Variants in KCNIP4 observed in about 807,000 individuals in gnomAD.
KCNIP4 encodes Kv channel-interacting protein 4.
KCNIP4 carries 12 observed loss-of-function variants against 34.0 expected under a neutral mutation model. The ratio of observed to expected loss-of-function variants is 0.35; its 90% CI spans 0.23 to 0.57. The LOEUF (loss-of-function observed/expected upper bound fraction) is 0.57, where lower values mean the gene tolerates loss of function less well. Ranked by LOEUF, KCNIP4 falls within the 20% of genes least tolerant of loss-of-function variation. The pLI is 0.83. For synonymous variants in KCNIP4, 124 were observed against 102.2 expected (o/e 1.21, Z -1.29); for missense variants, 238 against 311.7 (o/e 0.76, Z 1.78).
intron 1 of KCNIP4, among the ~76,000 whole-genome samples, chr4:21,429,964 C>A (rs1054823819): frequency 3.3e-5 from 5 of 152,068 alleles, no homozygotes; most frequent in Non-Finnish European, 7.4e-5. Flanking sequence ...TATTATCAGT[C>A]ACTGTGAAGA....
intron 1 of KCNIP4, chr4:21,304,123 GGA>G (rs961045711): frequency 1.2e-3 from 610 of 512,152 alleles, no homozygotes; most frequent in Middle Eastern, 1.7e-3. Flanking sequence ...GGAGAGAGAG[GGA>G]GAGAGAGAGA....
intron 1 of KCNIP4, among the ~76,000 whole-genome samples, chr4:21,739,330 G>A (rs1026371958): frequency 6.6e-6 from 1 of 151,924 alleles, no homozygotes; most frequent in African/African-American, 2.4e-5. Context: ...GTTTTAATAA[G>A]AATAAAGTAT....
chr4:21,215,811 GTTGT>G (rs1046346409), intron 1 of KCNIP4, among the ~76,000 whole-genome samples: 25 of 152,156 alleles, frequency 1.6e-4, no homozygotes, highest in East Asian at 3.9e-4. Context: ...TGTTGTTGTT[GTTGT>G]TTGTTTGTTT....
intron 1 of KCNIP4, among the ~76,000 whole-genome samples, chr4:21,425,498 T>G (rs1340382688): frequency 5.3e-5 from 8 of 152,132 alleles, no homozygotes. Flanking sequence ...TGGTAAGAAT[T>G]TATTTAAGTA....
At chr4:21,549,344 G>A (rs6836515) in intron 1 of KCNIP4, among the ~76,000 whole-genome samples, 54,548 of 151,702 alleles carry the variant, frequency 0.36, 10,107 homozygotes, top group South Asian at 0.52. Flanking sequence ...GTGGGGCCTG[G>A]TGGGAGGGGT....
intron 1 of KCNIP4, among the ~76,000 whole-genome samples, chr4:21,475,606 C>T (rs1208635804): frequency 6.6e-6 from 1 of 152,146 alleles, no homozygotes; most frequent in Non-Finnish European, 1.5e-5. Context: ...GCACACTGTT[C>T]AAAGACCAGT....
chr4:20,814,316 A>G (rs1463089175), intron 3 of KCNIP4, among the ~76,000 whole-genome samples: 2 of 152,184 alleles, frequency 1.3e-5, no homozygotes, highest in African/African-American at 4.8e-5. Flanking sequence ...TGTTTCACCC[A>G]AAGGCCCTCT....
At chr4:21,820,728 T>C (rs893981440) in intron 1 of KCNIP4, among the ~76,000 whole-genome samples, 11 of 152,156 alleles carry the variant, frequency 7.2e-5, no homozygotes, top group Non-Finnish European at 1.6e-4. Flanking sequence ...TACATTTCTC[T>C]AAGTTCACTG....
At chr4:21,318,812 AC>A (rs1464693484) in intron 1 of KCNIP4, among the ~76,000 whole-genome samples, 5 of 151,644 alleles carry the variant, frequency 3.3e-5, no homozygotes, top group African/African-American at 1.2e-4. Context: ...GTTAGTAAAA[AC>A]CCTCTTGGGT....
chr4:21,364,806 G>A (rs1291535741), intron 1 of KCNIP4, among the ~76,000 whole-genome samples: 1 of 152,106 alleles, frequency 6.6e-6, no homozygotes, highest in Non-Finnish European at 1.5e-5. Context: ...TAACAAATAT[G>A]GGTGATTTCA....
At chr4:20,786,991 CTCTA>C (rs1261428709) in intron 3 of KCNIP4, among the ~76,000 whole-genome samples, 4 of 152,094 alleles carry the variant, frequency 2.6e-5, no homozygotes, top group Non-Finnish European at 5.9e-5. Flanking sequence ...CTGTAAGGTG[CTCTA>C]TCTATGTAAG....
intron 1 of KCNIP4, among the ~76,000 whole-genome samples, chr4:21,818,417 T>C (rs1722120168): frequency 6.6e-6 from 1 of 152,236 alleles, no homozygotes; most frequent in African/African-American, 2.4e-5. Context: ...TTCTAGACAG[T>C]AGGTGCTGTG....
rs146582023 is a variant in KCNIP4, at chr4:21,232,820, G to A, written c.62-350111C>T. The stretch of plus-strand genomic sequence containing the variant: ...GCAATATGATGTATATGTATATGAG[G>A]TGCAATATGATATCTGTGTACAGAA... On this transcript the variant is annotated intron_variant, in intron 1 of 8. Transcript: ENST00000382152. Among the ~76,000 whole-genome samples the A allele has an allele frequency of 4.1e-3, 624 of 152,226 alleles. 6 individuals carry two copies. Among genetic ancestry groups the A allele is most frequent in the Admixed American group, 0.011 (161 of 15,250 alleles).
chr4:21,224,015 G>A lies in KCNIP4; in HGVS notation c.62-341306C>T, dbSNP rs559561310. 3.9e-5 allele frequency among the ~76,000 whole-genome samples: 6 copies of A among 152,142 alleles called. 1 individual carries two copies. The South Asian group carries it at 1.2e-3, about 32-fold the overall frequency. ...TCAACCTCACATTCTTTGCATTTGGGAGGAAGAAAAAGGTGATTGCTTTTA... is the reference window on the plus strand; with the variant it reads ...TCAACCTCACATTCTTTGCATTTGGAAGGAAGAAAAAGGTGATTGCTTTTA... On this transcript the variant is annotated intron_variant, in intron 1 of 8. Transcript: ENST00000382152.
At chr4:21,059,611 G>A (rs1743738335) in intron 1 of KCNIP4, among the ~76,000 whole-genome samples, 1 of 151,974 alleles carries the variant, frequency 6.6e-6, no homozygotes, top group Admixed American at 6.6e-5. Context: ...TACTGATCTG[G>A]GCCTGCTATT....
chr4:20,786,713 T>C lies in KCNIP4; in HGVS notation c.289-27823A>G, dbSNP rs576882315. Among the ~76,000 whole-genome samples the C allele has an allele frequency of 3.3e-5, 5 of 152,246 alleles. No individual in the cohort carries two copies. The South Asian group carries it at 1.0e-3, about 32-fold the overall frequency. Reference sequence around the variant, plus strand: ...TGTACACTGTGCTTTATAATACATATGGCCACTACCAATTTCTTGCAAGTG... The same window carrying C: ...TGTACACTGTGCTTTATAATACATACGGCCACTACCAATTTCTTGCAAGTG... On this transcript the variant is annotated intron_variant, in intron 3 of 8. Transcript: ENST00000382152.
intron 1 of KCNIP4, among the ~76,000 whole-genome samples, chr4:21,286,953 G>T (rs867737039): frequency 6.6e-6 from 1 of 151,982 alleles, no homozygotes; most frequent in Admixed American, 6.6e-5. Context: ...CCATTGTTTG[G>T]GATTAAACAA....
At chr4:21,377,358 G>A (rs1354400557) in intron 1 of KCNIP4, among the ~76,000 whole-genome samples, 1 of 152,150 alleles carries the variant, frequency 6.6e-6, no homozygotes, top group African/African-American at 2.4e-5. Context: ...GCTAGTTATA[G>A]ACCAAGTCCA....
chr4:21,514,453 C>T (rs558375370), intron 1 of KCNIP4, among the ~76,000 whole-genome samples: 11 of 152,052 alleles, frequency 7.2e-5, no homozygotes, highest in Non-Finnish European at 1.0e-4. Context: ...TTATTGATAT[C>T]CACACAATAA....
Sources: allele counts gnomAD v4.1 joint callset (sites outside exome capture counted in the v4.1 genomes callset), GRCh38; gene constraint gnomAD v4.1.1; transcripts MANE v1.5; gene names NCBI Gene and HGNC (gene_info 2026-07-23, HGNC 2026-07-21).